The following MAP4 variants were observed in gnomAD, a reference collection of about 807,000 sequenced individuals.
MAP4 encodes microtubule associated protein 4.
MAP4 carries 76 observed loss-of-function variants against 170.2 expected under a neutral mutation model. The ratio of observed to expected loss-of-function variants is 0.45; its 90% CI spans 0.37 to 0.54. The LOEUF (loss-of-function observed/expected upper bound fraction) is 0.54, where lower values mean the gene tolerates loss of function less well. Ranked by LOEUF, MAP4 falls within the 20% of genes least tolerant of loss-of-function variation. The pLI is 0.00. For synonymous variants in MAP4, 909 were observed against 994.5 expected (o/e 0.91, Z 1.62); for missense variants, 2,506 against 2,748.0 (o/e 0.91, Z 1.97).
At chr3:47,922,740 T>C (rs1283905335) in intron 4 of MAP4, among the ~76,000 whole-genome samples, 1 of 152,178 alleles carries the variant, frequency 6.6e-6, no homozygotes, top group African/African-American at 2.4e-5. Flanking sequence ...GTAAACTCTT[T>C]GTGCTTTTGT....
chr3:47,924,507 ACCT>A (rs765313247), intron 4 of MAP4, among the ~76,000 whole-genome samples: 65 of 152,020 alleles, frequency 4.3e-4, no homozygotes, highest in Admixed American at 1.4e-3. Flanking sequence ...GTCATCCTGG[ACCT>A]CCTCTTTTTC....
In MAP4 at chr3:48,067,632, C is replaced by CT. The variant is rs71070248; in HGVS notation, c.-20+21140dup. Among the ~76,000 whole-genome samples, 1,174 of 139,782 alleles carry CT rather than the reference C, an allele frequency of 8.4e-3. 11 individuals are homozygous for CT. Among genetic ancestry groups the CT allele is most frequent in the African/African-American group, 0.024 (894 of 37,258 alleles). 91.7% of individuals were successfully genotyped at this position (139,782 alleles called of 152,430 possible). On this transcript the variant is annotated intron_variant, in intron 1 of 18. Coordinates refer to the MAP4 transcript ENST00000360240. ...CTGTCTCAAAGTTAACAAGAGAAACCTTTTTTTTTTTTTTTTTTAAATCCC... is the reference window on the plus strand; with the variant it reads ...CTGTCTCAAAGTTAACAAGAGAAACCTTTTTTTTTTTTTTTTTTTAAATCCC...
intron 3 of MAP4, among the ~76,000 whole-genome samples, chr3:47,929,701 TATAAAC>T (rs1294218849): frequency 7.2e-6 from 1 of 138,788 alleles, no homozygotes; most frequent in Non-Finnish European, 1.6e-5. Context: ...TAAAAAAACT[TATAAAC>T]AGGAAAAAAT....
intron 3 of MAP4, among the ~76,000 whole-genome samples, chr3:47,954,829 T>C (rs1295624861): frequency 1.3e-5 from 2 of 152,202 alleles, no homozygotes; most frequent in African/African-American, 4.8e-5. Flanking sequence ...TACTTTGTTG[T>C]TATCTCCTCA....
At chr3:48,020,234 C>T (rs916528116), upstream of MAP4, among the ~76,000 whole-genome samples, 5 of 152,158 alleles carry the variant, frequency 3.3e-5, no homozygotes, top group African/African-American at 9.7e-5. Context: ...TTCCCCTTAA[C>T]GCTTGAGTTC....
chr3:48,058,901 C>T (rs925467635), intron 1 of MAP4, among the ~76,000 whole-genome samples: 1 of 152,042 alleles, frequency 6.6e-6, no homozygotes, highest in African/African-American at 2.4e-5. Flanking sequence ...CTGCCTCAGC[C>T]TCCGAGTAGC....
At chr3:48,025,519 C>T (rs1310613964) in intron 1 of MAP4, among the ~76,000 whole-genome samples, 2 of 151,860 alleles carry the variant, frequency 1.3e-5, no homozygotes, top group African/African-American at 4.8e-5. Flanking sequence ...CAACTCCTGA[C>T]CTCAGGTGAT....
At chr3:47,944,949 CTTTT>C (rs35189919) in intron 3 of MAP4, among the ~76,000 whole-genome samples, 2 of 127,134 alleles carry the variant, frequency 1.6e-5, no homozygotes. Flanking sequence ...AAAAAGGAAC[CTTTT>C]TTTTTTTTTT....
At position 47,944,737 on chromosome 3, in the gene MAP4, T is replaced by G. The variant is rs187793209; in HGVS notation, c.293-16387A>C. Among the ~76,000 whole-genome samples, 252 of 152,064 alleles carry G rather than the reference T, an allele frequency of 1.7e-3. 4 individuals are homozygous for G. The highest frequency in any genetic ancestry group is 6.8e-3 in the Middle Eastern group (2 of 294). On this transcript the variant is annotated intron_variant, in intron 3 of 20. Coordinates refer to ENST00000683076, the MANE Select transcript of MAP4 (RefSeq NM_001385682.1). ...TGAGCACAGTTAAATCTCTGGCATC[T>G]TTAAAACACAAGTAAAATCCAAACT...
intron 1 of MAP4, among the ~76,000 whole-genome samples, chr3:48,081,354 A>G (rs1211741969): frequency 6.6e-6 from 1 of 151,990 alleles, no homozygotes; most frequent in African/African-American, 2.4e-5. Flanking sequence ...TCTAGATACA[A>G]TCACTCACTT....
intron 12 of MAP4, among the ~76,000 whole-genome samples, chr3:47,874,878 A>T (rs1262823106): frequency 6.6e-6 from 1 of 150,976 alleles, no homozygotes; most frequent in East Asian, 1.9e-4. Flanking sequence ...AACATGGGAA[A>T]CTATTTCGTA....
At chr3:47,868,147 C>T (rs1034971786) in intron 16 of MAP4, among the ~76,000 whole-genome samples, 32 of 152,264 alleles carry the variant, frequency 2.1e-4, no homozygotes, top group African/African-American at 7.5e-4. Flanking sequence ...CTGTATAGTA[C>T]GGGAATGGCT....
intron 1 of MAP4, among the ~76,000 whole-genome samples, chr3:48,051,561 G>A (rs7637622): frequency 0.6 from 91,513 of 151,656 alleles, 28,857 homozygotes; most frequent in East Asian, 0.72. Context: ...TATGGTTATT[G>A]ATTTTGGCAA....
intron 18 of MAP4, among the ~76,000 whole-genome samples, chr3:47,857,182 C>T (rs1169497607): frequency 6.6e-6 from 1 of 152,226 alleles, no homozygotes; most frequent in East Asian, 1.9e-4. Flanking sequence ...AATAGTTCCA[C>T]ACACACAGTA....
At position 47,911,368 on chromosome 3, in the gene MAP4, T is replaced by C; in HGVS notation, c.3053A>G (p.Lys1018Arg). 1 of 1,535,996 alleles carries C rather than the reference T, an allele frequency of 6.5e-7. No homozygotes were observed. The change falls in exon 9 of 21, where the codon AAG becomes AGG. Residue 1018 changes from lysine (K) to arginine (R), a missense_variant. Transcript: ENST00000683076. The surrounding 1 kb of genome is among the most constrained non-coding windows in gnomAD (Gnocchi z 4.0). ...TTGTCTTTCGTTGGGAAAAGCTTCC[T>C]TTTTTAGTTCTTTATCCTCTTCAGC... ...EGAEEDKELK[K>R]EAFPNERQEI...
In MAP4 at chr3:48,067,603, G is replaced by A. The variant is rs114555555; in HGVS notation, c.-20+21170C>T. ...ACTACCTGAATAATACCACCTCCCC[G>A]TTACTGTCTCAAAGTTAACAAGAGA... On this transcript the variant is annotated intron_variant, in intron 1 of 18. Transcript: ENST00000360240. Among the ~76,000 whole-genome samples, 652 of 149,116 alleles carry A rather than the reference G, an allele frequency of 4.4e-3. 5 individuals carry two copies. Among genetic ancestry groups the A allele is most frequent in the African/African-American group, 0.014 (586 of 40,506 alleles).
chr3:47,998,573 T>C, intron 2 of MAP4, 65 bp downstream of exon 2: 2 of 1,274,478 alleles, frequency 1.6e-6, no homozygotes, highest in Non-Finnish European at 1.1e-6. Flanking sequence ...TCCAAGATTA[T>C]ACCAAAGGCA....
At chr3:48,086,310 G>C (rs781578816) in intron 1 of MAP4, among the ~76,000 whole-genome samples, 1 of 151,760 alleles carries the variant, frequency 6.6e-6, no homozygotes, top group Admixed American at 6.6e-5. Flanking sequence ...ATGACACAGC[G>C]AGACTCCATC....
chr3:48,050,457 GA>G (rs962544436), intron 1 of MAP4, among the ~76,000 whole-genome samples: 2 of 149,742 alleles, frequency 1.3e-5, no homozygotes, highest in Admixed American at 6.7e-5. Context: ...TAATAAATGT[GA>G]AAAAAAAATT....
Sources: gnomAD v4.1 joint callset for allele counts (sites outside exome capture counted in the v4.1 genomes callset) on GRCh38, gnomAD v4.1.1 for gene constraint, Gnocchi (gnomAD v3.1) non-coding constraint, MANE v1.5 for transcripts, NCBI Gene and HGNC (gene_info 2026-07-23, HGNC 2026-07-21) for gene names.